Variants in LIMCH1 observed in about 807,000 individuals in gnomAD.
The protein encoded by LIMCH1 is LIM and calponin homology domains-containing protein 1.
Under a neutral mutation model 176.5 loss-of-function variants are expected in LIMCH1, and 113 were observed. That is an observed-to-expected ratio of 0.64 (90% CI 0.55 to 0.75). The LOEUF is 0.75. LIMCH1 is among the 30% of genes least tolerant of loss of function. LIMCH1 has a pLI of 0.00. For missense variants in LIMCH1, 1,674 were observed against 1,814.9 expected, an observed-to-expected ratio of 0.92 and a Z score of 1.41; for synonymous variants, 619 against 645.9, an observed-to-expected ratio of 0.96 and a Z score of 0.63.
chr4:41,494,461 A>T (rs2071694156), intron 1 of LIMCH1: 1 of 1,000,226 alleles, frequency 1.0e-6, no homozygotes, highest in African/African-American at 1.6e-5. Flanking sequence ...ACATACACAC[A>T]CACATATATA....
At chr4:41,367,682 TCCAAAAAA>T (rs1437252490) in intron 1 of LIMCH1, among the ~76,000 whole-genome samples, 11 of 60,908 alleles carry the variant, frequency 1.8e-4, no homozygotes, top group African/African-American at 4.3e-4. Context: ...CTACTAAAAA[TCCAAAAAA>T]AAAAAAAAAA....
In LIMCH1 at chr4:41,473,267, T is replaced by C. The variant is rs186463647; in HGVS notation, c.97-21269T>C. The stretch of plus-strand genomic sequence containing the variant: ...TTTGACTTTGCTCAGGTTTGTCATT[T>C]TGTGCAATGGTACATCCTGGTCCCA... On this transcript the variant is annotated intron_variant, in intron 1 of 26. Transcript: ENST00000313860. 2.2e-5 allele frequency: 18 copies of C among 834,368 alleles called. No homozygotes were observed. In the Admixed American group the frequency reaches 4.3e-4, roughly 20 times the overall value. 51.7% of individuals were successfully genotyped at this position (834,368 alleles called of 1,614,324 possible).
At chr4:41,648,714 A>G (rs1234241107) in intron 17 of LIMCH1, among the ~76,000 whole-genome samples, 1 of 131,866 alleles carries the variant, frequency 7.6e-6, no homozygotes, top group Non-Finnish European at 1.6e-5. Flanking sequence ...CTTGGAGGGC[A>G]GGGCAGGGAA....
intron 1 of LIMCH1, among the ~76,000 whole-genome samples, chr4:41,488,692 A>C (rs1032790620): frequency 1.3e-5 from 2 of 152,180 alleles, no homozygotes; most frequent in African/African-American, 4.8e-5. Context: ...ATATTGTAGA[A>C]AGTTTTAGGA....
At chr4:41,694,266 T>C (rs1368692290) in intron 31 of LIMCH1, among the ~76,000 whole-genome samples, 1 of 152,204 alleles carries the variant, frequency 6.6e-6, no homozygotes, top group Non-Finnish European at 1.5e-5. Context: ...ACAGATGCTA[T>C]AATGTTAGAA....
In LIMCH1 at chr4:41,494,466, T is replaced by C. The variant is rs186687600; in HGVS notation, c.97-70T>C. On this transcript the variant is annotated intron_variant, in intron 1 of 26. Transcript: ENST00000313860. ...ATGTACACACACATACACACACACA[T>C]ATATATATGATTGGACTTCTTGATT... The C allele has an allele frequency of 5.5e-5, 57 of 1,033,262 alleles. No homozygotes were observed. In the African/African-American group the frequency reaches 5.7e-4, roughly 10 times the overall value. The allele number at this position is 1,033,262 out of a possible 1,614,324, so 64.0% of individuals were successfully genotyped here.
Position 41,684,504 on chromosome 4 carries a change from C to T in LIMCH1, c.3953C>T (p.Pro1318Leu). 1 of 1,613,512 alleles carries T rather than the reference C, an allele frequency of 6.2e-7. No homozygotes were observed. The highest frequency in any genetic ancestry group is 8.5e-7 in the Non-Finnish European group (1 of 1,179,706). ...GGGGCCCCACACTGTGGAACAAACCCACAGCTTGCTCAGGGTAAGAATGGA... is the reference window on the plus strand; with the variant it reads ...GGGGCCCCACACTGTGGAACAAACCTACAGCTTGCTCAGGGTAAGAATGGA... ...EAGAPHCGTNPQLAQDPSQNQ... is the reference protein window; with the variant it reads ...EAGAPHCGTNLQLAQDPSQNQ... The change falls in exon 27 of 32, where the codon CCA becomes CTA. Residue 1318 changes from proline to leucine, a missense_variant. Pro to Leu is a moderately conservative substitution (Grantham distance 98). Around this residue, in one of 3 missense-constraint regions of LIMCH1, gnomAD observed 1,015 missense variants for 1,102.5 expected, o/e 0.92. Coordinates refer to ENST00000503057, the MANE Select transcript of LIMCH1 (RefSeq NM_001330672.2).
intron 9 of LIMCH1, among the ~76,000 whole-genome samples, chr4:41,630,379 C>T (rs1352354729): frequency 6.6e-6 from 1 of 152,148 alleles, no homozygotes. Context: ...AGTTACAAAC[C>T]ACATGGAGAG....
At chr4:41,587,705 AG>A (rs5857803) in intron 1 of LIMCH1, among the ~76,000 whole-genome samples, 34,019 of 151,930 alleles carry the variant, frequency 0.22, 4,557 homozygotes, top group African/African-American at 0.37. Context: ...TGCAAATAAG[AG>A]TCCCTCATGA....
chr4:41,360,852 C>T lies in LIMCH1; in HGVS notation c.12C>T (p.Pro4=). ...GCGGGGCTGCGCAAATGGCTTGTCC[C>T]GCTCTCGGTCTGGAAGCTCTTCAGC... The change falls in exon 1 of 27, where the codon CCC becomes CCT. Residue 4 remains proline, a synonymous_variant. Coordinates refer to the LIMCH1 transcript ENST00000313860. The surrounding 1 kb of genome is among the most constrained non-coding windows in gnomAD (Gnocchi z 4.5). The T allele has an allele frequency of 6.4e-7, 1 of 1,565,738 alleles. No homozygotes were observed. Among genetic ancestry groups the T allele is most frequent in the South Asian group, 1.2e-5 (1 of 85,146 alleles).
At chr4:41,687,576 A>C (rs141610217) in intron 28 of LIMCH1, among the ~76,000 whole-genome samples, 1 of 152,164 alleles carries the variant, frequency 6.6e-6, no homozygotes, top group East Asian at 1.9e-4. Context: ...GATTATAAAA[A>C]ATTCTGTCTT....
intron 25 of LIMCH1, among the ~76,000 whole-genome samples, chr4:41,681,485 T>C (rs1321919935): frequency 6.6e-6 from 1 of 152,144 alleles, no homozygotes; most frequent in East Asian, 1.9e-4. Flanking sequence ...GTCAATAACA[T>C]GTTCTCCACC....
At position 41,506,777 on chromosome 4, in the gene LIMCH1, T is replaced by C. The variant is rs562896299; in HGVS notation, c.167+12171T>C. On this transcript the variant is annotated intron_variant, in intron 2 of 26. Coordinates refer to the LIMCH1 transcript ENST00000313860. ...TTCTTTCTTTATACTTTCATAACACTCTGGTCACAAAAATGTGTGGTTTTT... is the reference window on the plus strand; with the variant it reads ...TTCTTTCTTTATACTTTCATAACACCCTGGTCACAAAAATGTGTGGTTTTT... Among the ~76,000 whole-genome samples the C allele has an allele frequency of 2.6e-5, 4 of 152,336 alleles. No homozygotes were observed. The East Asian group carries it at 7.7e-4, about 29-fold the overall frequency.
At chr4:41,665,475 A>T (rs1585575099) in intron 20 of LIMCH1, among the ~76,000 whole-genome samples, 1 of 152,214 alleles carries the variant, frequency 6.6e-6, no homozygotes, top group Admixed American at 6.5e-5. Flanking sequence ...AGATTCTCTT[A>T]GAGTTGAATA....
chr4:41,679,247 A>T (rs990178978), intron 23 of LIMCH1, among the ~76,000 whole-genome samples: 5 of 152,190 alleles, frequency 3.3e-5, no homozygotes, highest in African/African-American at 1.2e-4. Flanking sequence ...AGGCATCAGG[A>T]GTGTCACTTC....
chr4:41,629,739 G>T lies in LIMCH1; in HGVS notation c.1271+5G>T, dbSNP rs904333650. On this transcript the variant is annotated splice_donor_5th_base_variant and intron_variant, in intron 9 of 31. Coordinates refer to ENST00000503057, the MANE Select transcript of LIMCH1 (RefSeq NM_001330672.2). ...CAAAGTGTCAGAAAAGGCGAGGTGT[G>T]TCATGTTTCCCCCCCAGTTTCCCCC... is the stretch of plus-strand genomic sequence containing the variant. 6.5e-7 allele frequency: 1 copy of T among 1,529,942 alleles called. No individual in the cohort carries two copies. The highest frequency in any genetic ancestry group is 1.4e-5 in the African/African-American group (1 of 72,786). The allele number at this position is 1,529,942 out of a possible 1,614,324, so 94.8% of individuals were successfully genotyped here. A position where few individuals can be genotyped will look rare whatever the true frequency, so the allele number is the denominator to read the frequency against.
intron 1 of LIMCH1, among the ~76,000 whole-genome samples, chr4:41,397,056 C>T (rs75093686): frequency 1.3e-5 from 2 of 152,202 alleles, no homozygotes; most frequent in African/African-American, 4.8e-5. Context: ...CTAAGCCACT[C>T]ATGGCATTCC....
chr4:41,498,147 A>G (rs2072549750), intron 2 of LIMCH1, among the ~76,000 whole-genome samples: 1 of 152,196 alleles, frequency 6.6e-6, no homozygotes, highest in Non-Finnish European at 1.5e-5. Flanking sequence ...GGCTGTGGTC[A>G]GTGGAGGATG....
intron 1 of LIMCH1, among the ~76,000 whole-genome samples, chr4:41,415,680 C>G (rs576844536): frequency 6.6e-6 from 1 of 152,182 alleles, no homozygotes; most frequent in South Asian, 2.1e-4. Flanking sequence ...GTGTACATGT[C>G]CATTATTATG....
Sources: allele counts gnomAD v4.1 joint callset (sites outside exome capture counted in the v4.1 genomes callset), GRCh38; gene constraint gnomAD v4.1.1; regional missense constraint gnomAD v4.1.1; non-coding constraint Gnocchi (gnomAD v3.1); transcripts MANE v1.5; gene names NCBI Gene and HGNC (gene_info 2026-07-23, HGNC 2026-07-21).